Variants in HSPG2 observed in about 807,000 individuals in gnomAD.
HSPG2 encodes the protein heparan sulfate proteoglycan 2.
Under a neutral mutation model 526.6 loss-of-function variants are expected in HSPG2, and 278 were observed. The ratio of observed to expected loss-of-function variants is 0.53; its 90% CI spans 0.48 to 0.58. The LOEUF (loss-of-function observed/expected upper bound fraction) is 0.58. Among genes scored for constraint, HSPG2 ranks in the 20% least tolerant of loss-of-function variants. HSPG2 has a pLI of 0.00. For missense variants in HSPG2, 5,354 were observed against 6,099.5 expected (o/e 0.88, Z 4.07); for synonymous variants, 2,465 against 2,555.4 (o/e 0.96, Z 1.07).
In HSPG2 at chr1:21,872,788, C is replaced by T. The variant is rs1640754399; in HGVS notation, c.3889-28G>A. 6.2e-7 allele frequency: 1 copy of T among 1,603,094 alleles called. No individual in the cohort carries two copies. The highest frequency in any genetic ancestry group is 1.1e-5 in the South Asian group (1 of 89,130). ...GGGTAGACGGATGGAAGGAGGCAGG[C>T]AGGGGACTCAGTGGGTCTCCTGCAC... On this transcript the variant is annotated intron_variant, in intron 31 of 96. Coordinates refer to ENST00000374695, the MANE Select transcript of HSPG2 (RefSeq NM_005529.7). This position sits in a 1 kb window ranked among gnomAD's most constrained non-coding sequence, Gnocchi z 5.5.
chr1:21,845,727 C>A (rs145813314), intron 64 of HSPG2, among the ~76,000 whole-genome samples: 185 of 152,266 alleles, frequency 1.2e-3, no homozygotes, highest in African/African-American at 3.9e-3. Flanking sequence ...GGTGCAGTCC[C>A]AGGCTTTTGG....
intron 71 of HSPG2, 72 bp downstream of exon 71, chr1:21,841,029 C>T (rs2098046191): frequency 7.0e-7 from 1 of 1,427,284 alleles, no homozygotes; most frequent in Non-Finnish European, 9.6e-7. Context: ...CCACTACTAT[C>T]TCCTCCAAGC....
intron 1 of HSPG2, among the ~76,000 whole-genome samples, chr1:21,930,922 T>C (rs1644330911): frequency 6.6e-6 from 1 of 152,216 alleles, no homozygotes; most frequent in African/African-American, 2.4e-5. Flanking sequence ...GCGCACCAGA[T>C]ACTCCCCTAA....
chr1:21,916,106 C>G (rs1017900821), intron 1 of HSPG2, among the ~76,000 whole-genome samples: 9 of 150,146 alleles, frequency 6.0e-5, no homozygotes, highest in African/African-American at 2.2e-4. Context: ...GTGACTCACG[C>G]CTGTAATCCC....
At chr1:21,835,695 G>C in intron 75 of HSPG2, 58 bp from the exon 76 acceptor site, 1 of 1,360,518 alleles carries the variant, frequency 7.4e-7, no homozygotes, top group Non-Finnish European at 1.0e-6. Context: ...AGAATGCTTT[G>C]CAATTGGGCT....
chr1:21,834,628 A>G (rs1189604188), intron 77 of HSPG2, 51 bp downstream of exon 77: 10 of 1,598,732 alleles, frequency 6.3e-6, no homozygotes, highest in Non-Finnish European at 8.6e-6. Flanking sequence ...CAGCAGGAGA[A>G]GCCCCTGCCC....
In HSPG2 at chr1:21,847,581, G is replaced by A; in HGVS notation, c.8026-89C>T. On this transcript the variant is annotated intron_variant, in intron 61 of 96. Coordinates refer to ENST00000374695, the MANE Select transcript of HSPG2 (RefSeq NM_005529.7). The surrounding 1 kb of genome is among the most constrained non-coding windows in gnomAD (Gnocchi z 4.1). ...CTCAGGCCTTCCTGCTCAGCCTGTT[G>A]AGGCTGCTATCGGTCTACCCAGGGC... 6.2e-7 allele frequency: 1 copy of A among 1,602,854 alleles called. No individual in the cohort carries two copies. Among genetic ancestry groups the A allele is most frequent in the Middle Eastern group, 1.7e-4 (1 of 5,738 alleles).
chr1:21,875,067 T>C, intron 25 of HSPG2, 65 bp from the exon 26 acceptor site: 1 of 1,192,846 alleles, frequency 8.4e-7, no homozygotes, highest in Non-Finnish European at 1.2e-6. Flanking sequence ...CCTGGAGTCC[T>C]CCACTGGCAG....
chr1:21,844,404 T>G, intron 64 of HSPG2, 105 bp from the exon 65 acceptor site: 1 of 1,263,312 alleles, frequency 7.9e-7, no homozygotes, highest in Non-Finnish European at 1.1e-6. Flanking sequence ...GGGACATGGC[T>G]TCTTTCCCTT....
chr1:21,838,503 T>C (rs1455367094), intron 74 of HSPG2, among the ~76,000 whole-genome samples: 3 of 152,238 alleles, frequency 2.0e-5, no homozygotes, highest in Admixed American at 2.0e-4. Flanking sequence ...GATGCCTGGG[T>C]CCAGGCCCTG....
At position 21,838,871 on chromosome 1, in the gene HSPG2, G is replaced by A; in HGVS notation, c.10104C>T (p.Thr3368=). ...EDSGRYRCRV[T]NKVGSAEAFA... ...AGGCCTCGGCTGAGCCCACCTTGTT[G>A]GTGACCCGGCAGCGGTAGCGGCCTG... Residue 3368 remains threonine (T), a synonymous_variant, in exon 74 of 97, where the codon ACC becomes ACT. Transcript: ENST00000374695. 2 of 1,612,784 alleles carry A rather than the reference G, an allele frequency of 1.2e-6. No homozygotes were observed. Among genetic ancestry groups the A allele is most frequent in the Non-Finnish European group, 1.7e-6 (2 of 1,179,726 alleles).
rs34373270 is a variant in HSPG2 at position 21,846,999 on chromosome 1, CA to C, written c.8164+354del. Among the ~76,000 whole-genome samples, 911 of 140,516 alleles carry C rather than the reference CA, an allele frequency of 6.5e-3. 8 individuals carry two copies. The highest frequency in any genetic ancestry group is 0.014 in the East Asian group (69 of 4,886). 92.2% of individuals were successfully genotyped at this position (140,516 alleles called of 152,430 possible). A position where few individuals can be genotyped will look rare whatever the true frequency, so the allele number is the denominator to read the frequency against. ...TGGGTGACAGAGCGAGACTCCCTCT[CA>C]AAAAAAAAAAAATGATAATAATAGT... On this transcript the variant is annotated intron_variant, in intron 62 of 96. Coordinates refer to ENST00000374695, the MANE Select transcript of HSPG2 (RefSeq NM_005529.7).
At chr1:21,899,190 G>A (rs1642955766) in intron 1 of HSPG2, among the ~76,000 whole-genome samples, 1 of 152,108 alleles carries the variant, frequency 6.6e-6, no homozygotes, top group Non-Finnish European at 1.5e-5. Flanking sequence ...CCATAGCAAG[G>A]AATAAGTCAG....
intron 26 of HSPG2, 70 bp downstream of exon 26, chr1:21,874,821 G>A (rs1640919937): frequency 1.3e-6 from 2 of 1,510,626 alleles, no homozygotes; most frequent in Admixed American, 1.9e-5. Context: ...AGGTGTGGAG[G>A]GCTCATGGAG....
chr1:21,907,280 G>A (rs886471723), intron 1 of HSPG2, among the ~76,000 whole-genome samples: 3 of 152,202 alleles, frequency 2.0e-5, no homozygotes, highest in Non-Finnish European at 2.9e-5. Context: ...TCCCAGGGCC[G>A]GCGACCATGC....
intron 33 of HSPG2, among the ~76,000 whole-genome samples, chr1:21,867,795 A>G (rs1001021161): frequency 2.0e-5 from 3 of 151,972 alleles, no homozygotes; most frequent in African/African-American, 7.3e-5. Flanking sequence ...CAGTGCTGCA[A>G]TCTCAGCTCA....
chr1:21,836,924 C>T lies in HSPG2; in HGVS notation c.10233G>A (p.Lys3411=), dbSNP rs1032283292. The T allele has an allele frequency of 2.6e-6, 4 of 1,558,698 alleles. No individual in the cohort carries two copies. The highest frequency in any genetic ancestry group is 1.9e-5 in the Admixed American group (1 of 51,912). ...TVQVTPQLET[K]SIGASVEFHC... is the part of the protein sequence containing the mutation. Reference sequence around the variant, plus strand: ...GGAACTCAACGCTGGCCCCAATGCTCTTGGTCTCTAGCTGAGGCGTGACCT... The same window carrying T: ...GGAACTCAACGCTGGCCCCAATGCTTTTGGTCTCTAGCTGAGGCGTGACCT... The change falls in exon 75 of 97, where the codon AAG becomes AAA. Residue 3411 remains lysine, a synonymous_variant. Coordinates refer to ENST00000374695, the MANE Select transcript of HSPG2 (RefSeq NM_005529.7).
At chr1:21,930,722 C>T (rs570354862) in intron 1 of HSPG2, among the ~76,000 whole-genome samples, 4 of 150,046 alleles carry the variant, frequency 2.7e-5, no homozygotes, top group Non-Finnish European at 4.4e-5. Context: ...TGCAGTGCGG[C>T]GAGATCATAC....
intron 1 of HSPG2, among the ~76,000 whole-genome samples, chr1:21,916,569 G>A (rs528874892): frequency 6.6e-6 from 1 of 151,538 alleles, no homozygotes; most frequent in East Asian, 1.9e-4. Flanking sequence ...GTGTGTGCCT[G>A]TAATCCCCGT....
Sources: gnomAD v4.1 joint callset for allele counts (sites outside exome capture counted in the v4.1 genomes callset) on GRCh38, gnomAD v4.1.1 for gene constraint, Gnocchi (gnomAD v3.1) non-coding constraint, MANE v1.5 for transcripts, NCBI Gene and HGNC (gene_info 2026-07-23, HGNC 2026-07-21) for gene names.